Variants in RBFOX1 observed in about 807,000 individuals in gnomAD.
RBFOX1 encodes the protein RNA binding protein fox-1 homolog 1.
A neutral mutation model predicts 57.7 loss-of-function variants in RBFOX1; 8 were observed. The ratio of observed to expected loss-of-function variants is 0.14; its 90% CI spans 0.08 to 0.25. The LOEUF (loss-of-function observed/expected upper bound fraction) is 0.25. RBFOX1 is among the 10% of genes least tolerant of loss of function. The pLI is 1.00. For missense variants in RBFOX1, 611 were observed against 548.5 expected (o/e 1.11, Z -1.14); for synonymous variants, 326 against 222.4 (o/e 1.47, Z -4.15).
intron 6 of RBFOX1, among the ~76,000 whole-genome samples, chr16:7,584,027 T>G (rs2093961818): frequency 6.6e-6 from 1 of 152,196 alleles, no homozygotes; most frequent in Non-Finnish European, 1.5e-5. Context: ...ACCATGATGT[T>G]GTGAGTGAAG....
chr16:7,193,825 T>C (rs1321711471), intron 4 of RBFOX1, among the ~76,000 whole-genome samples: 5 of 152,224 alleles, frequency 3.3e-5, no homozygotes, highest in Non-Finnish European at 7.3e-5. Flanking sequence ...TGTATTTACG[T>C]AACTCAAAAT....
chr16:6,683,237 CA>C (rs1044440068), intron 3 of RBFOX1, among the ~76,000 whole-genome samples: 2 of 152,016 alleles, frequency 1.3e-5, no homozygotes, highest in African/African-American at 4.8e-5. Flanking sequence ...TTTAAAAAGA[CA>C]AAAAGGACAT....
At chr16:6,200,795 C>T (rs2097209900) in intron 1 of RBFOX1, among the ~76,000 whole-genome samples, 1 of 152,076 alleles carries the variant, frequency 6.6e-6, no homozygotes, top group African/African-American at 2.4e-5. Context: ...TAAATGGTAA[C>T]ACCAGATGTG....
intron 4 of RBFOX1, among the ~76,000 whole-genome samples, chr16:7,443,454 C>T (rs752961549): frequency 6.6e-6 from 1 of 151,754 alleles, no homozygotes; most frequent in Admixed American, 6.6e-5. Context: ...CCCCCTCCCC[C>T]TCTCTTATAA....
chr16:7,356,899 A>C (rs1421209141), intron 4 of RBFOX1, among the ~76,000 whole-genome samples: 1 of 152,080 alleles, frequency 6.6e-6, no homozygotes, highest in Non-Finnish European at 1.5e-5. Flanking sequence ...CATGGCAAGA[A>C]CCTCCAGCAA....
intron 2 of RBFOX1, among the ~76,000 whole-genome samples, chr16:5,468,874 C>CA (rs1407481597): frequency 1.3e-5 from 2 of 152,244 alleles, no homozygotes; most frequent in East Asian, 3.8e-4. Flanking sequence ...CATCTCAGGA[C>CA]AGAGGTCGCT....
intron 3 of RBFOX1, among the ~76,000 whole-genome samples, chr16:6,918,160 T>C (rs188823346): frequency 6.6e-6 from 1 of 151,888 alleles, no homozygotes; most frequent in Non-Finnish European, 1.5e-5. Context: ...TGCTAGCCTG[T>C]AGTCCCAGCT....
chr16:6,675,409 C>T (rs191640155), intron 3 of RBFOX1, among the ~76,000 whole-genome samples: 6 of 152,070 alleles, frequency 3.9e-5, no homozygotes, highest in Admixed American at 2.6e-4. Context: ...CAGGTGGGCT[C>T]TTCCCAAGCA....
rs542093544 is a variant in RBFOX1 at position 5,946,364 on chromosome 16, T to G, written c.351+79029T>G. On this transcript the variant is annotated intron_variant, in intron 4 of 19. Transcript: ENST00000641259. This position sits in a 1 kb window ranked among gnomAD's most constrained non-coding sequence, Gnocchi z 4.6. ...TCAATGATTTACTTCTCCATTCCTT[T>G]TCTTTTCGTTTGCTCATGGATGTTT... is the stretch of plus-strand genomic sequence containing the variant. Among the ~76,000 whole-genome samples, 1 of 152,310 alleles carries G rather than the reference T, an allele frequency of 6.6e-6. No homozygotes were observed. Among genetic ancestry groups the G allele is most frequent in the South Asian group, 2.1e-4 (1 of 4,824 alleles).
intron 4 of RBFOX1, among the ~76,000 whole-genome samples, chr16:7,275,083 G>T (rs879411771): frequency 6.6e-6 from 1 of 152,124 alleles, no homozygotes; most frequent in Non-Finnish European, 1.5e-5. Context: ...AGCGGGCAGG[G>T]TTCTGGATCC....
At position 6,938,546 on chromosome 16, in the gene RBFOX1, C is replaced by T. The variant is rs533011105; in HGVS notation, c.-15-113511C>T. Among the ~76,000 whole-genome samples the T allele has an allele frequency of 7.7e-4, 113 of 145,950 alleles. 1 individual carries two copies. The highest frequency in any genetic ancestry group is 2.9e-3 in the African/African-American group (111 of 37,732). ...TAAATGCCTAACATTCTAGCATTACCAGACACTGAATTACTGTATTTTTTC... is the reference window on the plus strand; with the variant it reads ...TAAATGCCTAACATTCTAGCATTACTAGACACTGAATTACTGTATTTTTTC... On this transcript the variant is annotated intron_variant, in intron 3 of 15. Coordinates refer to ENST00000550418, the MANE Select transcript of RBFOX1 (RefSeq NM_018723.4).
chr16:6,808,594 G>A (rs1247020065), intron 3 of RBFOX1, among the ~76,000 whole-genome samples: 3 of 152,192 alleles, frequency 2.0e-5, no homozygotes, highest in South Asian at 2.1e-4. Context: ...TCATCTCAGG[G>A]TGTTGGTAGT....
At chr16:5,304,112 C>A (rs1431315467) in intron 1 of RBFOX1, among the ~76,000 whole-genome samples, 1 of 152,194 alleles carries the variant, frequency 6.6e-6, no homozygotes, top group Non-Finnish European at 1.5e-5. Context: ...AGTGACACAG[C>A]ATAATGCTGG....
intron 3 of RBFOX1, among the ~76,000 whole-genome samples, chr16:5,622,347 G>A (rs1243361453): frequency 6.6e-6 from 1 of 152,224 alleles, no homozygotes; most frequent in African/African-American, 2.4e-5. Flanking sequence ...TATGTTTAGT[G>A]TCTGTCTTTT....
intron 3 of RBFOX1, among the ~76,000 whole-genome samples, chr16:5,824,025 G>T (rs1237089322): frequency 6.6e-6 from 1 of 152,134 alleles, no homozygotes; most frequent in East Asian, 1.9e-4. Flanking sequence ...TAAGGACAAG[G>T]CCCTGTAGCC....
At chr16:7,617,266 A>G (rs187202299) in intron 10 of RBFOX1, among the ~76,000 whole-genome samples, 8 of 152,340 alleles carry the variant, frequency 5.3e-5, no homozygotes, top group Admixed American at 2.0e-4. Flanking sequence ...TGCCGTGTAA[A>G]AGTAGCCATA....
chr16:6,640,853 G>A (rs1287950018), intron 2 of RBFOX1, among the ~76,000 whole-genome samples: 4 of 151,988 alleles, frequency 2.6e-5, no homozygotes, highest in South Asian at 2.1e-4. Flanking sequence ...CCCCATCTTA[G>A]GATTAAGGCC....
intron 4 of RBFOX1, among the ~76,000 whole-genome samples, chr16:7,297,227 C>A (rs1173334330): frequency 6.6e-6 from 1 of 152,202 alleles, no homozygotes; most frequent in Non-Finnish European, 1.5e-5. Context: ...CCACATCTTC[C>A]TGCTTTATAT....
At chr16:6,973,393 A>G (rs1181473852) in intron 3 of RBFOX1, among the ~76,000 whole-genome samples, 1 of 152,172 alleles carries the variant, frequency 6.6e-6, no homozygotes, top group Non-Finnish European at 1.5e-5. Flanking sequence ...TATAAGAGAT[A>G]ATAACACATC....
Sources: allele counts gnomAD v4.1 joint callset (sites outside exome capture counted in the v4.1 genomes callset), GRCh38; gene constraint gnomAD v4.1.1; non-coding constraint Gnocchi (gnomAD v3.1); transcripts MANE v1.5; gene names NCBI Gene and HGNC (gene_info 2026-07-23, HGNC 2026-07-21).